TAF3: variants seen among roughly 807,000 people sequenced by gnomAD.
TAF3 encodes TATA-box binding protein associated factor 3, also known as transcription initiation factor TFIID subunit 3.
In TAF3, 7 loss-of-function variants were observed where a neutral mutation model predicts 80.6. The ratio of observed to expected loss-of-function variants is 0.09; its 90% confidence interval spans 0.05 to 0.16. The LOEUF (loss-of-function observed/expected upper bound fraction) is 0.16. Ranked by LOEUF, TAF3 falls within the 10% of genes least tolerant of loss-of-function variation. The pLI is 1.00. For synonymous variants in TAF3, 444 were observed against 446.1 expected (o/e 1.00, Z 0.06); for missense variants, 921 against 1,140.2 (o/e 0.81, Z 2.77).
chr10:7,943,853 C>T (rs1227632508), intron 2 of TAF3, among the ~76,000 whole-genome samples: 4 of 152,106 alleles, frequency 2.6e-5, no homozygotes, highest in Admixed American at 2.0e-4. Flanking sequence ...CACAGATAGT[C>T]AGGAACTGAT....
chr10:8,013,967 T>G (rs750409856), intron 6 of TAF3, 130 bp downstream of exon 6: 5 of 698,464 alleles, frequency 7.2e-6, no homozygotes, highest in Non-Finnish European at 1.2e-5. Flanking sequence ...GTACATGGAG[T>G]CAAATCACTG....
Position 8,016,352 on chromosome 10 carries a change from T to C in TAF3, c.*1601T>C, listed in dbSNP as rs1832104475. On this transcript the variant is annotated 3_prime_UTR_variant, in exon 7 of 7. Coordinates refer to ENST00000344293, the MANE Select transcript of TAF3 (RefSeq NM_031923.4). ...TTATGTGGTTAGAGAAATGCGGTTT[T>C]CTGCCATGAATGTTAAGTTGCAAAT... The C allele has an allele frequency of 6.6e-6, 1 of 152,224 alleles. No homozygotes were observed. Among genetic ancestry groups the C allele is most frequent in the Non-Finnish European group, 1.5e-5 (1 of 68,052 alleles). The allele number at this position is 152,224 out of a possible 1,614,324, so 9.4% of individuals were successfully genotyped here.
chr10:7,860,780 T>TTTTC (rs369905405), intron 2 of TAF3, among the ~76,000 whole-genome samples: 501 of 149,342 alleles, frequency 3.4e-3, no homozygotes, highest in Non-Finnish European at 4.4e-3. Context: ...AACAGGAGCC[T>TTTTC]TTTCTTTCTT....
rs990893176 is a variant in TAF3, at chr10:8,016,534, T to G, written c.*1783T>G. 2 of 152,050 alleles carry G rather than the reference T, an allele frequency of 1.3e-5. No individual in the cohort carries two copies. The highest frequency in any genetic ancestry group is 2.9e-5 in the Non-Finnish European group (2 of 68,034). 9.4% of individuals were successfully genotyped at this position (152,050 alleles called of 1,614,324 possible). ...ATTTGAGATCATTCTAAATACTTTA[T>G]ACAATATTTTCACATGCACAAAAAT... On this transcript the variant is annotated 3_prime_UTR_variant, in exon 7 of 7. Coordinates refer to ENST00000344293, the MANE Select transcript of TAF3 (RefSeq NM_031923.4).
chr10:7,827,584 A>G (rs1836754881), intron 2 of TAF3, among the ~76,000 whole-genome samples: 1 of 152,106 alleles, frequency 6.6e-6, no homozygotes, highest in Non-Finnish European at 1.5e-5. Flanking sequence ...GATCGAGACC[A>G]TCCTGGCTAA....
chr10:7,826,322 T>C (rs1339040316), intron 2 of TAF3, among the ~76,000 whole-genome samples: 1 of 152,224 alleles, frequency 6.6e-6, no homozygotes, highest in Non-Finnish European at 1.5e-5. Context: ...CATGCAAATA[T>C]TCCATAATAA....
intron 2 of TAF3, among the ~76,000 whole-genome samples, chr10:7,898,647 T>G (rs1037208975): frequency 6.6e-6 from 1 of 152,060 alleles, no homozygotes; most frequent in African/African-American, 2.4e-5. Context: ...GTAAGATGTC[T>G]GAAGCTCTTC....
At chr10:7,823,388 T>C (rs1416398207) in intron 1 of TAF3, among the ~76,000 whole-genome samples, 1 of 151,074 alleles carries the variant, frequency 6.6e-6, no homozygotes, top group Non-Finnish European at 1.5e-5. Context: ...CCCACCACTT[T>C]GGGAGGCAGA....
chr10:8,003,125 A>T (rs1053982203), intron 4 of TAF3, among the ~76,000 whole-genome samples: 1 of 152,088 alleles, frequency 6.6e-6, no homozygotes, highest in Non-Finnish European at 1.5e-5. Flanking sequence ...TAGACCTTTT[A>T]TGTGATATAA....
intron 2 of TAF3, among the ~76,000 whole-genome samples, chr10:7,950,284 G>T (rs915662205): frequency 1.3e-5 from 2 of 152,200 alleles, no homozygotes; most frequent in Non-Finnish European, 1.5e-5. Context: ...AATATAGAAC[G>T]ACCCAGGGAA....
In TAF3 at chr10:7,965,529, G is replaced by A. The variant is rs1421369467; in HGVS notation, c.2019G>A (p.Arg673=). The change falls in exon 3 of 7, where the codon AGG becomes AGA. Residue 673 remains arginine, a synonymous_variant. Coordinates refer to ENST00000344293, the MANE Select transcript of TAF3 (RefSeq NM_031923.4). Reference sequence around the variant, plus strand: ...TGTTCAGCCCTGCCACAGCCTCCAGGGTCCCAGCCATGCTGCCATCTTTGT... The same window carrying A: ...TGTTCAGCCCTGCCACAGCCTCCAGAGTCCCAGCCATGCTGCCATCTTTGT... ...LPLFSPATAS[R]VPAMLPSLLP... 4 of 1,601,588 alleles carry A rather than the reference G, an allele frequency of 2.5e-6. No individual in the cohort carries two copies. The highest frequency in any genetic ancestry group is 3.4e-6 in the Non-Finnish European group (4 of 1,177,086).
rs769099372 is a variant in TAF3, at chr10:7,855,233, G to A, written c.409+30673G>A. ...ACTTCTGGAAGTGAGGGAGAGAAAT[G>A]GTTGAAAATCTGTTTAAGAAGCAAA... is the stretch of plus-strand genomic sequence containing the variant. On this transcript the variant is annotated intron_variant, in intron 2 of 6. Transcript: ENST00000344293. 6.7e-4 allele frequency among the ~76,000 whole-genome samples: 102 copies of A among 152,180 alleles called. 2 individuals carry two copies. Among genetic ancestry groups the A allele is most frequent in the Non-Finnish European group, 2.9e-4 (20 of 68,030 alleles).
intron 2 of TAF3, among the ~76,000 whole-genome samples, chr10:7,930,105 G>T (rs1837854585): frequency 6.6e-6 from 1 of 152,136 alleles, no homozygotes; most frequent in Admixed American, 6.5e-5. Flanking sequence ...GCCTGAGGCG[G>T]GAGGATCACT....
intron 2 of TAF3, among the ~76,000 whole-genome samples, chr10:7,857,910 A>ATTTTTTTTTTT: frequency 7.2e-6 from 1 of 138,544 alleles, no homozygotes; most frequent in Non-Finnish European, 1.5e-5. Flanking sequence ...AACATTTCTG[A>ATTTTTTTTTTT]TTTTTTTTTT....
At chr10:7,894,126 CAGTT>C (rs373679380) in intron 2 of TAF3, among the ~76,000 whole-genome samples, 33 of 152,232 alleles carry the variant, frequency 2.2e-4, no homozygotes, top group East Asian at 1.7e-3. Context: ...TCTCAGTTGA[CAGTT>C]AGCCATTCTA....
intron 2 of TAF3, among the ~76,000 whole-genome samples, chr10:7,843,873 C>T (rs1302237121): frequency 3.3e-5 from 5 of 151,932 alleles, no homozygotes; most frequent in Non-Finnish European, 7.4e-5. Flanking sequence ...CCATTTTACT[C>T]TTTGTGGACT....
At chr10:7,936,832 TC>T (rs751595066) in intron 2 of TAF3, among the ~76,000 whole-genome samples, 1 of 152,062 alleles carries the variant, frequency 6.6e-6, no homozygotes, top group Non-Finnish European at 1.5e-5. Context: ...TTGCTGCTTC[TC>T]TTCATCCCTC....
intron 4 of TAF3, among the ~76,000 whole-genome samples, chr10:7,998,485 C>T (rs1316085590): frequency 6.6e-6 from 1 of 152,028 alleles, no homozygotes; most frequent in African/African-American, 2.4e-5. Context: ...CTGTTGGCCA[C>T]ACTGCTAATT....
chr10:7,826,183 G>A (rs929071480), intron 2 of TAF3, among the ~76,000 whole-genome samples: 4 of 152,146 alleles, frequency 2.6e-5, no homozygotes, highest in African/African-American at 9.7e-5. Context: ...CATCATTTAG[G>A]TGCTCTGGAT....
Sources: allele counts gnomAD v4.1 joint callset (sites outside exome capture counted in the v4.1 genomes callset), GRCh38; gene constraint gnomAD v4.1.1; transcripts MANE v1.5; gene names NCBI Gene and HGNC (gene_info 2026-07-23, HGNC 2026-07-21).